PDGFC: variants seen among roughly 807,000 people sequenced by gnomAD.
PDGFC encodes the protein platelet-derived growth factor C.
PDGFC carries 12 observed loss-of-function variants against 35.5 expected under a neutral mutation model. The observed-to-expected ratio is 0.34, with a 90% CI of 0.22 to 0.55. The LOEUF is 0.55. PDGFC is among the 20% of genes least tolerant of loss of function. The pLI is 0.91. For synonymous variants in PDGFC, 159 were observed against 148.8 expected (o/e 1.07, Z -0.50); for missense variants, 322 against 412.4 (o/e 0.78, Z 1.90).
At chr4:156,769,320 T>C (rs1730629834) in intron 4 of PDGFC, among the ~76,000 whole-genome samples, 1 of 151,926 alleles carries the variant, frequency 6.6e-6, no homozygotes. Context: ...AAGAATCAAA[T>C]GCTTATTTTC....
chr4:156,812,421 C>T (rs993966671), intron 2 of PDGFC, among the ~76,000 whole-genome samples: 1 of 152,008 alleles, frequency 6.6e-6, no homozygotes, highest in Non-Finnish European at 1.5e-5. Flanking sequence ...AACAATTTCA[C>T]ATGTAAACAG....
At chr4:156,847,460 G>T (rs1009887968) in intron 2 of PDGFC, among the ~76,000 whole-genome samples, 1 of 151,792 alleles carries the variant, frequency 6.6e-6, no homozygotes, top group Non-Finnish European at 1.5e-5. Flanking sequence ...GTCTAGTCAT[G>T]AGACACAAGG....
At chr4:156,848,716 T>A (rs1351271615) in intron 2 of PDGFC, among the ~76,000 whole-genome samples, 2 of 151,948 alleles carry the variant, frequency 1.3e-5, no homozygotes, top group African/African-American at 4.8e-5. Flanking sequence ...CATAGAGAAA[T>A]ATGTACTTCT....
At chr4:156,809,208 T>C (rs1731857105) in intron 3 of PDGFC, among the ~76,000 whole-genome samples, 1 of 152,030 alleles carries the variant, frequency 6.6e-6, no homozygotes, top group African/African-American at 2.4e-5. Flanking sequence ...ATTGACAATT[T>C]ACCAATCATT....
chr4:156,797,341 G>A (rs940493862), intron 3 of PDGFC, among the ~76,000 whole-genome samples: 6 of 151,772 alleles, frequency 4.0e-5, no homozygotes, highest in Non-Finnish European at 7.4e-5. Flanking sequence ...CTCACCCCTC[G>A]CCCACACCCC....
At chr4:156,787,480 C>A (rs1013817342) in intron 3 of PDGFC, among the ~76,000 whole-genome samples, 3 of 152,054 alleles carry the variant, frequency 2.0e-5, no homozygotes, top group African/African-American at 4.8e-5. Context: ...AAAAAGAGGG[C>A]AGTGAATGCA....
intron 2 of PDGFC, among the ~76,000 whole-genome samples, chr4:156,840,792 G>A (rs1729183922): frequency 1.3e-5 from 2 of 152,270 alleles, no homozygotes; most frequent in Non-Finnish European, 2.9e-5. Context: ...CAGCATGATC[G>A]GAAAGTGAGA....
At chr4:156,858,992 T>G (rs1729646628) in intron 1 of PDGFC, among the ~76,000 whole-genome samples, 1 of 151,976 alleles carries the variant, frequency 6.6e-6, no homozygotes, top group Admixed American at 6.6e-5. Context: ...GTACTGACAT[T>G]TTGACAGGAA....
intron 1 of PDGFC, among the ~76,000 whole-genome samples, chr4:156,880,199 G>T (rs1424041494): frequency 6.6e-6 from 1 of 152,070 alleles, no homozygotes; most frequent in Non-Finnish European, 1.5e-5. Context: ...TAGCTAGTGA[G>T]GAAAAGTCAA....
chr4:156,808,196 T>C (rs1731825511), intron 3 of PDGFC, among the ~76,000 whole-genome samples: 1 of 152,110 alleles, frequency 6.6e-6, no homozygotes, highest in Non-Finnish European at 1.5e-5. Flanking sequence ...CTGTGGGTTT[T>C]GGACAACTCT....
intron 5 of PDGFC, among the ~76,000 whole-genome samples, chr4:156,763,657 A>G (rs541701124): frequency 6.6e-6 from 1 of 152,340 alleles, no homozygotes; most frequent in East Asian, 1.9e-4. Flanking sequence ...TACTGTGGAA[A>G]GAAACATGAT....
chr4:156,874,286 T>C (rs1730056657), intron 1 of PDGFC, among the ~76,000 whole-genome samples: 2 of 152,128 alleles, frequency 1.3e-5, no homozygotes, highest in Non-Finnish European at 2.9e-5. Context: ...ATAGACACCA[T>C]AAAATTACCT....
At chr4:156,875,704 G>C (rs1730099171) in intron 1 of PDGFC, among the ~76,000 whole-genome samples, 1 of 152,128 alleles carries the variant, frequency 6.6e-6, no homozygotes. Context: ...GATCACTTGA[G>C]GTCAGGAGTT....
At chr4:156,917,869 G>A (rs1246394926) in intron 1 of PDGFC, among the ~76,000 whole-genome samples, 2 of 152,074 alleles carry the variant, frequency 1.3e-5, no homozygotes, top group African/African-American at 2.4e-5. Context: ...GTTCAAGTAG[G>A]TTCATACTCT....
intron 1 of PDGFC, among the ~76,000 whole-genome samples, chr4:156,894,553 G>A (rs554642858): frequency 3.9e-5 from 6 of 152,026 alleles, no homozygotes; most frequent in Non-Finnish European, 8.8e-5. Flanking sequence ...CAATTAATCC[G>A]AGCAAAATAT....
chr4:156,910,221 C>T (rs578238493), intron 1 of PDGFC, among the ~76,000 whole-genome samples: 39 of 152,186 alleles, frequency 2.6e-4, no homozygotes, highest in African/African-American at 8.9e-4. Context: ...TTTTAAAATT[C>T]TGTAATGATT....
In PDGFC at chr4:156,801,341, T is replaced by C. The variant is rs535714119; in HGVS notation, c.495+9496A>G. On this transcript the variant is annotated intron_variant, in intron 3 of 5. Transcript: ENST00000502773. The stretch of plus-strand genomic sequence containing the variant: ...GTAATAATAAAGCTCCAGCCTCCTG[T>C]TTAGCTGGCTCTATGTGCATTAAAC... 2.6e-5 allele frequency among the ~76,000 whole-genome samples: 4 copies of C among 152,284 alleles called. No individual in the cohort carries two copies. In the East Asian group the frequency reaches 7.7e-4, roughly 29 times the overall value.
At chr4:156,823,653 A>G (rs1162546592) in intron 2 of PDGFC, among the ~76,000 whole-genome samples, 4 of 152,212 alleles carry the variant, frequency 2.6e-5, no homozygotes, top group African/African-American at 9.6e-5. Context: ...GTAAACTAGT[A>G]CAGCCATTGT....
intron 1 of PDGFC, among the ~76,000 whole-genome samples, chr4:156,935,507 C>T (rs1731657679): frequency 6.6e-6 from 1 of 152,018 alleles, no homozygotes; most frequent in African/African-American, 2.4e-5. Flanking sequence ...ATACACTGCA[C>T]TACAACATTA....
Sources: gnomAD v4.1 joint callset for allele counts (sites outside exome capture counted in the v4.1 genomes callset) on GRCh38, gnomAD v4.1.1 for gene constraint, MANE v1.5 for transcripts, NCBI Gene and HGNC (gene_info 2026-07-23, HGNC 2026-07-21) for gene names.